Variants in ONECUT2 observed in about 807,000 individuals in gnomAD.
The protein encoded by ONECUT2 is one cut domain family member 2.
In ONECUT2, 10 loss-of-function variants were observed where a neutral mutation model predicts 27.9. That is an observed-to-expected ratio of 0.36 (90% CI 0.22 to 0.61). The LOEUF (loss-of-function observed/expected upper bound fraction) is 0.61. Among genes scored for constraint, ONECUT2 ranks in the 20% least tolerant of loss-of-function variants. ONECUT2 has a pLI of 0.73. For synonymous variants in ONECUT2, 334 were observed against 315.1 expected (o/e 1.06, Z -0.64); for missense variants, 686 against 721.0 (o/e 0.95, Z 0.56).
At chr18:57,457,623 A>C (rs977461619) in intron 1 of ONECUT2, among the ~76,000 whole-genome samples, 1 of 152,174 alleles carries the variant, frequency 6.6e-6, no homozygotes, top group Non-Finnish European at 1.5e-5. Context: ...GTGAATAGCC[A>C]CTGTACTCCA....
At chr18:57,473,078 C>T (rs1428754513) in intron 1 of ONECUT2, among the ~76,000 whole-genome samples, 1 of 152,174 alleles carries the variant, frequency 6.6e-6, no homozygotes, top group Non-Finnish European at 1.5e-5. Context: ...GTTTCTACAT[C>T]TTAAAAGGGG....
chr18:57,472,331 T>G (rs1478991851), intron 1 of ONECUT2, among the ~76,000 whole-genome samples: 1 of 152,148 alleles, frequency 6.6e-6, no homozygotes. Context: ...GATGCTGAGG[T>G]CACAGCCTCA....
intron 1 of ONECUT2, among the ~76,000 whole-genome samples, chr18:57,467,479 C>T (rs1394429297): frequency 6.6e-6 from 1 of 152,170 alleles, no homozygotes; most frequent in Non-Finnish European, 1.5e-5. Flanking sequence ...GATTCTCCTG[C>T]CTCGGCCTCC....
intron 1 of ONECUT2, among the ~76,000 whole-genome samples, chr18:57,445,472 T>G (rs1011716706): frequency 3.9e-5 from 6 of 152,244 alleles, no homozygotes; most frequent in Non-Finnish European, 8.8e-5. Context: ...GATCCTTTTT[T>G]CCTGTCTAAA....
chr18:57,460,659 T>A (rs2050285374), intron 1 of ONECUT2, among the ~76,000 whole-genome samples: 1 of 151,466 alleles, frequency 6.6e-6, no homozygotes, highest in African/African-American at 2.4e-5. Context: ...CAATTATACA[T>A]AGGGCACAGA....
At chr18:57,443,808 A>G (rs2050187848) in intron 1 of ONECUT2, among the ~76,000 whole-genome samples, 1 of 152,070 alleles carries the variant, frequency 6.6e-6, no homozygotes, top group Non-Finnish European at 1.5e-5. Context: ...ATTATGAAAA[A>G]CTGTCCCACA....
In ONECUT2 at chr18:57,486,436, T is replaced by A. The variant is rs542327518; in HGVS notation, c.*9713T>A. On this transcript the variant is annotated 3_prime_UTR_variant, in exon 2 of 2. Coordinates refer to ENST00000491143, the MANE Select transcript of ONECUT2 (RefSeq NM_004852.3). ...TCCCTCGTTCTTCCCTTTTTTCTAG[T>A]TCTTCACGGTTCCAAAGCTTTACTA... The A allele has an allele frequency of 6.5e-6, 1 of 152,764 alleles. No homozygotes were observed. Among genetic ancestry groups the A allele is most frequent in the Non-Finnish European group, 1.5e-5 (1 of 68,046 alleles). The allele number at this position is 152,764 out of a possible 1,614,324, so 9.5% of individuals were successfully genotyped here.
chr18:57,443,154 A>G (rs55949795), intron 1 of ONECUT2, among the ~76,000 whole-genome samples: 15,579 of 152,218 alleles, frequency 0.1, 980 homozygotes, highest in South Asian at 0.17. Context: ...GGTATCATGG[A>G]GGGGGATCCC....
chr18:57,469,523 A>C (rs2050342041), intron 1 of ONECUT2, among the ~76,000 whole-genome samples: 2 of 152,236 alleles, frequency 1.3e-5, no homozygotes, highest in Non-Finnish European at 2.9e-5. Context: ...GTATGTTAGG[A>C]AACTCCAGTG....
chr18:57,437,243 A>G (rs1442207457), intron 1 of ONECUT2, among the ~76,000 whole-genome samples: 6 of 146,856 alleles, frequency 4.1e-5, no homozygotes, highest in Non-Finnish European at 8.9e-5. Context: ...CCTTTGCCCT[A>G]TTTCCGATCT....
intron 1 of ONECUT2, among the ~76,000 whole-genome samples, chr18:57,437,624 C>T (rs1404375422): frequency 6.6e-6 from 1 of 152,184 alleles, no homozygotes; most frequent in Non-Finnish European, 1.5e-5. Context: ...TTGAGGGGCT[C>T]GGGCCAGCTC....
chr18:57,436,331 G>A lies in ONECUT2; in HGVS notation c.615G>A (p.Pro205=), dbSNP rs899116005. Residue 205 remains proline (P), a synonymous_variant, in exon 1 of 2, where the codon CCG becomes CCA. Transcript: ENST00000491143. The surrounding 1 kb of genome is among the most constrained non-coding windows in gnomAD (Gnocchi z 5.9). ...FTLMRDERGL[P]AMNNLYSPYK... is the part of the protein sequence containing the mutation. The stretch of plus-strand genomic sequence containing the variant: ...TCATGCGCGACGAGCGCGGGCTCCC[G>A]GCCATGAACAACCTCTACAGTCCCT... 1.5e-5 allele frequency: 24 copies of A among 1,604,914 alleles called. No individual in the cohort carries two copies. The highest frequency in any genetic ancestry group is 2.0e-5 in the Non-Finnish European group (24 of 1,179,794).
Position 57,459,851 on chromosome 18 carries a change from G to A in ONECUT2, c.1229-16586G>A, listed in dbSNP as rs146330187. Among the ~76,000 whole-genome samples the A allele has an allele frequency of 4.8e-3, 732 of 152,260 alleles. 7 individuals are homozygous for A. The highest frequency in any genetic ancestry group is 0.016 in the African/African-American group (679 of 41,560). On this transcript the variant is annotated intron_variant, in intron 1 of 1. Transcript: ENST00000491143. ...TGGGATTATAGGCGTGAGCCACCAT[G>A]CCCGGCCCAAATAAATATTTTTGTT... is the stretch of plus-strand genomic sequence containing the variant.
Position 57,487,225 on chromosome 18 carries a change from G to A in ONECUT2, c.*10502G>A, listed in dbSNP as rs891071282. The A allele has an allele frequency of 6.6e-5, 10 of 152,476 alleles. No homozygotes were observed. The highest frequency in any genetic ancestry group is 5.8e-4 in the East Asian group (3 of 5,192). The allele number at this position is 152,476 out of a possible 1,614,324, so 9.4% of individuals were successfully genotyped here. A position where few individuals can be genotyped will look rare whatever the true frequency, so the allele number is the denominator to read the frequency against. ...GGGTTCCAGCTTTATAATGAGAAAC[G>A]TTATTCCTAATTTTTGAGTTAGCCA... On this transcript the variant is annotated 3_prime_UTR_variant, in exon 2 of 2. Coordinates refer to ENST00000491143, the MANE Select transcript of ONECUT2 (RefSeq NM_004852.3).
At chr18:57,444,103 A>T (rs901355983) in intron 1 of ONECUT2, among the ~76,000 whole-genome samples, 2 of 152,224 alleles carry the variant, frequency 1.3e-5, no homozygotes, top group Admixed American at 1.3e-4. Flanking sequence ...AGGGGAAAAG[A>T]ACCCGCAGTG....
At chr18:57,438,141 C>T (rs1598928093) in intron 1 of ONECUT2, among the ~76,000 whole-genome samples, 1 of 152,252 alleles carries the variant, frequency 6.6e-6, no homozygotes, top group Non-Finnish European at 1.5e-5. Flanking sequence ...GCGACTGGCA[C>T]GCAGTTGCGC....
intron 1 of ONECUT2, among the ~76,000 whole-genome samples, chr18:57,472,344 C>G (rs1174132467): frequency 6.6e-6 from 1 of 152,200 alleles, no homozygotes; most frequent in Non-Finnish European, 1.5e-5. Flanking sequence ...CAGCCTCACA[C>G]CAGCTCCCAG....
chr18:57,456,107 G>A (rs1282867803), intron 1 of ONECUT2, among the ~76,000 whole-genome samples: 2 of 152,248 alleles, frequency 1.3e-5, no homozygotes, highest in Non-Finnish European at 2.9e-5. Flanking sequence ...CAAGGATGTG[G>A]AAAAATTGGA....
rs2050417475 is a variant in ONECUT2, at chr18:57,481,837, C to G, written c.*5114C>G. The G allele has an allele frequency of 6.6e-6, 1 of 152,166 alleles. No homozygotes were observed. Among genetic ancestry groups the G allele is most frequent in the African/African-American group, 2.4e-5 (1 of 41,422 alleles). The allele number at this position is 152,166 out of a possible 1,614,324, so 9.4% of individuals were successfully genotyped here. A position where few individuals can be genotyped will look rare whatever the true frequency, so the allele number is the denominator to read the frequency against. ...TGTGGTCAAGGTTGACCACAAGGCC[C>G]AGGCACAACTACCTTGGCGATAATC... On this transcript the variant is annotated 3_prime_UTR_variant, in exon 2 of 2. Transcript: ENST00000491143.
Sources: gnomAD v4.1 joint callset for allele counts (sites outside exome capture counted in the v4.1 genomes callset) on GRCh38, gnomAD v4.1.1 for gene constraint, Gnocchi (gnomAD v3.1) non-coding constraint, MANE v1.5 for transcripts, NCBI Gene and HGNC (gene_info 2026-07-23, HGNC 2026-07-21) for gene names.